The following CDH11 variants were observed in gnomAD, a reference collection of about 807,000 sequenced individuals.
CDH11 encodes the protein cadherin 11.
A neutral mutation model predicts 67.8 loss-of-function variants in CDH11; 11 were observed. The ratio of observed to expected loss-of-function variants is 0.16; its 90% confidence interval spans 0.10 to 0.27. The LOEUF (loss-of-function observed/expected upper bound fraction) is 0.27. Among genes scored for constraint, CDH11 ranks in the 10% least tolerant of loss-of-function variants. The pLI is 1.00. For synonymous variants in CDH11, 419 were observed against 400.0 expected (o/e 1.05, Z -0.57); for missense variants, 847 against 1,031.2 (o/e 0.82, Z 2.45).
chr16:65,104,008 G>T (rs2075031653), intron 1 of CDH11, among the ~76,000 whole-genome samples: 2 of 152,028 alleles, frequency 1.3e-5, no homozygotes. Flanking sequence ...GACGTTTGTG[G>T]TTTGTATTAT....
chr16:65,040,470 A>G (rs1167232173), intron 2 of CDH11, among the ~76,000 whole-genome samples: 1 of 146,578 alleles, frequency 6.8e-6, no homozygotes, highest in Admixed American at 6.9e-5. Context: ...AAAACCAAAC[A>G]CCGCGTGTTC....
chr16:65,052,088 G>T (rs975485275), intron 2 of CDH11, among the ~76,000 whole-genome samples: 2 of 152,140 alleles, frequency 1.3e-5, no homozygotes, highest in African/African-American at 4.8e-5. Flanking sequence ...CCTGTTAGCT[G>T]CTGTTATTAT....
At chr16:65,112,515 G>C (rs567043714) in intron 1 of CDH11, among the ~76,000 whole-genome samples, 3 of 152,118 alleles carry the variant, frequency 2.0e-5, no homozygotes, top group African/African-American at 7.2e-5. Context: ...AGTATTCTCT[G>C]TGCTGTTAAT....
At chr16:64,969,688 A>G (rs1367655239) in intron 11 of CDH11, among the ~76,000 whole-genome samples, 1 of 152,198 alleles carries the variant, frequency 6.6e-6, no homozygotes, top group Admixed American at 6.5e-5. Context: ...GAGTGAACAC[A>G]GGGCTTTTCA....
chr16:64,946,104 G>A lies in CDH11; in HGVS notation c.*1499C>T. ...ACTCTCAGAATCCAAAATGGTCCCT[G>A]CCCTCATTCTGAGCTTACGGCCCCA... On this transcript the variant is annotated 3_prime_UTR_variant, in exon 13 of 13. Transcript: ENST00000268603. 2 of 1,057,512 alleles carry A rather than the reference G, an allele frequency of 1.9e-6. No homozygotes were observed. Among genetic ancestry groups the A allele is most frequent in the Non-Finnish European group, 2.3e-6 (2 of 874,380 alleles). 65.5% of individuals were successfully genotyped at this position (1,057,512 alleles called of 1,614,324 possible).
At chr16:65,041,772 T>A (rs1358195777) in intron 2 of CDH11, among the ~76,000 whole-genome samples, 3 of 152,128 alleles carry the variant, frequency 2.0e-5, no homozygotes, top group Non-Finnish European at 4.4e-5. Context: ...TTTTCCAGAG[T>A]ATTACAGATG....
chr16:65,002,592 C>T (rs1307001047), intron 3 of CDH11, among the ~76,000 whole-genome samples: 1 of 152,174 alleles, frequency 6.6e-6, no homozygotes, highest in African/African-American at 2.4e-5. Context: ...TGGTACATCT[C>T]TTCAAGAAGA....
intron 11 of CDH11, 120 bp downstream of exon 11, chr16:64,971,459 G>A (rs753568542): frequency 2.5e-5 from 16 of 632,874 alleles, no homozygotes; most frequent in Middle Eastern, 2.6e-4. Flanking sequence ...TATTATTTCC[G>A]GTTTCTTCTT....
At chr16:65,094,426 T>TACAC (rs143212489) in intron 1 of CDH11, among the ~76,000 whole-genome samples, 1 of 150,776 alleles carries the variant, frequency 6.6e-6, no homozygotes, top group Non-Finnish European at 1.5e-5. Flanking sequence ...AACAGAAAAC[T>TACAC]ACACACACAC....
intron 1 of CDH11, among the ~76,000 whole-genome samples, chr16:65,096,443 G>GTGTGTA (rs71143551): frequency 0.14 from 18,724 of 137,880 alleles, 1,483 homozygotes; most frequent in South Asian, 0.3. Context: ...GTGTGTGTGT[G>GTGTGTA]TATATATATG....
intron 1 of CDH11, among the ~76,000 whole-genome samples, chr16:65,116,925 G>A (rs1414592987): frequency 2.6e-5 from 4 of 152,026 alleles, no homozygotes; most frequent in Non-Finnish European, 4.4e-5. Flanking sequence ...CAGAAACCTC[G>A]ACCATACAGA....
intron 3 of CDH11, among the ~76,000 whole-genome samples, chr16:65,004,172 C>G (rs1231350413): frequency 6.6e-6 from 1 of 152,082 alleles, no homozygotes; most frequent in Admixed American, 6.5e-5. Context: ...TTGAAGCCAA[C>G]CTGGGCAACA....
rs1366491973 is a variant in CDH11 at position 64,945,515 on chromosome 16, T to C, written c.*2088A>G. 8.4e-5 allele frequency: 87 copies of C among 1,032,966 alleles called. No homozygotes were observed. Among genetic ancestry groups the C allele is most frequent in the Non-Finnish European group, 9.8e-5 (84 of 858,536 alleles). 64.0% of individuals were successfully genotyped at this position (1,032,966 alleles called of 1,614,324 possible). ...GCTATTCATATTCCTTTTGAGTTATTTCTTCATTGCAAATTCAATTGGAGA... is the reference window on the plus strand; with the variant it reads ...GCTATTCATATTCCTTTTGAGTTATCTCTTCATTGCAAATTCAATTGGAGA... On this transcript the variant is annotated 3_prime_UTR_variant, in exon 13 of 13. Coordinates refer to ENST00000268603, the MANE Select transcript of CDH11 (RefSeq NM_001797.4).
chr16:64,993,469 T>A (rs1310364892), intron 4 of CDH11, among the ~76,000 whole-genome samples: 1 of 152,210 alleles, frequency 6.6e-6, no homozygotes, highest in Non-Finnish European at 1.5e-5. Flanking sequence ...CTTCCATCTG[T>A]AGCAGAACAA....
At chr16:65,004,495 G>A (rs906311074) in intron 3 of CDH11, 147 bp downstream of exon 3, 6 of 657,116 alleles carry the variant, frequency 9.1e-6, no homozygotes, top group Non-Finnish European at 1.3e-5. Context: ...AACATATTAT[G>A]TACAATATTT....
At chr16:65,019,358 C>T (rs2073377015) in intron 2 of CDH11, among the ~76,000 whole-genome samples, 1 of 152,140 alleles carries the variant, frequency 6.6e-6, no homozygotes, top group Non-Finnish European at 1.5e-5. Flanking sequence ...AATGCAATAA[C>T]TTATTCATTG....
Position 64,950,870 on chromosome 16 carries a change from C to T in CDH11, c.1791G>A (p.Val597=), listed in dbSNP as rs143688009. 393 of 1,614,210 alleles carry T rather than the reference C, an allele frequency of 2.4e-4. No individual in the cohort carries two copies. The East Asian group carries it at 8.4e-3, about 34-fold the overall frequency. The stretch of plus-strand genomic sequence containing the variant: ...CGTTGCAGGAGAGCAGTGCCCCGTT[C>T]ACGTCGCACCCGCAGACTTTGATGG... ...TLTIKVCGCD[V]NGALLSCNAE... is the part of the protein sequence containing the mutation. The change falls in exon 12 of 13, where the codon GTG becomes GTA. Residue 597 remains valine, a synonymous_variant. Transcript: ENST00000268603.
chr16:65,043,668 G>T (rs1196736120), intron 2 of CDH11, among the ~76,000 whole-genome samples: 1 of 152,180 alleles, frequency 6.6e-6, no homozygotes, highest in African/African-American at 2.4e-5. Flanking sequence ...TGGGGAACTG[G>T]GTGGTGCATT....
intron 5 of CDH11, 100 bp from the exon 6 acceptor site, chr16:64,992,035 C>A: frequency 1.3e-6 from 1 of 770,046 alleles, no homozygotes; most frequent in East Asian, 2.5e-5. Flanking sequence ...TAAAATATCC[C>A]ATGCCCTCAG....
Sources: allele counts gnomAD v4.1 joint callset (sites outside exome capture counted in the v4.1 genomes callset), GRCh38; gene constraint gnomAD v4.1.1; transcripts MANE v1.5; gene names NCBI Gene and HGNC (gene_info 2026-07-23, HGNC 2026-07-21).